Variants in LRRC3B observed in about 807,000 individuals in gnomAD.
The protein encoded by LRRC3B is leucine rich repeat containing 3B, also known as leucine-rich repeat-containing protein 3B.
LRRC3B carries 2 observed loss-of-function variants against 12.8 expected under a neutral mutation model. The observed-to-expected ratio is 0.16, with a 90% CI of 0.06 to 0.49. The LOEUF is 0.49. Ranked by LOEUF, LRRC3B falls within the 20% of genes least tolerant of loss-of-function variation. LRRC3B has a pLI of 0.96. For synonymous variants in LRRC3B, 132 were observed against 122.0 expected (o/e 1.08, Z -0.54); for missense variants, 189 against 319.4 (o/e 0.59, Z 3.11).
intron 1 of LRRC3B, among the ~76,000 whole-genome samples, chr3:26,645,702 G>A (rs1699129315): frequency 6.6e-6 from 1 of 152,034 alleles, no homozygotes; most frequent in African/African-American, 2.4e-5. Flanking sequence ...GAGTGTGAGG[G>A]ATAGAAAATA....
Position 26,636,926 on chromosome 3 carries a change from C to CTTTCTTTCTTTCTTT in LRRC3B, c.-161+13690_-161+13704dup, listed in dbSNP as rs1201192454. ...TCTTTCTCTCTTTCTCTCTTTCTTT[C>CTTTCTTTCTTTCTTT]TTTCTTTCTTTCTTTCTTTCTTTCT... On this transcript the variant is annotated intron_variant, in intron 1 of 1. Transcript: ENST00000396641. Among the ~76,000 whole-genome samples the CTTTCTTTCTTTCTTT allele has an allele frequency of 5.3e-4, 43 of 81,696 alleles. 2 individuals are homozygous for CTTTCTTTCTTTCTTT. Among genetic ancestry groups the CTTTCTTTCTTTCTTT allele is most frequent in the African/African-American group, 3.0e-3 (40 of 13,454 alleles). 53.6% of individuals were successfully genotyped at this position (81,696 alleles called of 152,430 possible).
intron 1 of LRRC3B, among the ~76,000 whole-genome samples, chr3:26,681,147 C>T (rs931637843): frequency 6.6e-6 from 1 of 152,062 alleles, no homozygotes; most frequent in African/African-American, 2.4e-5. Flanking sequence ...ATTGACATTG[C>T]TTGTACTTTT....
rs1289121760 is a variant in LRRC3B, at chr3:26,685,605, A to ATG, written c.-160-23898_-160-23897dup. 1.7e-3 allele frequency among the ~76,000 whole-genome samples: 206 copies of ATG among 123,622 alleles called. 1 individual carries two copies. The highest frequency in any genetic ancestry group is 6.9e-3 in the African/African-American group (181 of 26,268). 81.1% of individuals were successfully genotyped at this position (123,622 alleles called of 152,430 possible). ...ATACAAGCTTCACTCATATATATATATGTGTGTGTGTATATATATATATAT... is the reference window on the plus strand; with the variant it reads ...ATACAAGCTTCACTCATATATATATATGTGTGTGTGTGTATATATATATATAT... On this transcript the variant is annotated intron_variant, in intron 1 of 1. Coordinates refer to ENST00000396641, the Ensembl canonical transcript of LRRC3B.
At chr3:26,630,188 C>T (rs564075858) in intron 1 of LRRC3B, among the ~76,000 whole-genome samples, 193 of 152,174 alleles carry the variant, frequency 1.3e-3, no homozygotes, top group Non-Finnish European at 2.1e-3. Context: ...TACCTCATAG[C>T]ATAGATCAGT....
chr3:26,695,623 TAC>T lies in LRRC3B; in HGVS notation c.-160-13889_-160-13888del, dbSNP rs1700297071. On this transcript the variant is annotated intron_variant, in intron 1 of 1. Transcript: ENST00000396641. The stretch of plus-strand genomic sequence containing the variant: ...GTTTATATACATGTGTTTGCACAGT[TAC>T]GTTTTTAATAGAAAACACATAAAGG... Among the ~76,000 whole-genome samples, 3 of 152,238 alleles carry T rather than the reference TAC, an allele frequency of 2.0e-5. No individual in the cohort carries two copies. In the South Asian group the frequency reaches 6.2e-4, roughly 32 times the overall value.
intron 1 of LRRC3B, among the ~76,000 whole-genome samples, chr3:26,658,249 G>A (rs1301891310): frequency 1.3e-5 from 2 of 151,922 alleles, no homozygotes; most frequent in Admixed American, 6.6e-5. Flanking sequence ...TAGTAGAGAC[G>A]GGGTTTCACC....
rs542947464 is a variant in LRRC3B, at chr3:26,639,045, G to T, written c.-161+15808G>T. ...GAGTCAGCTTATAATCCCCTGGAATGAATACCTTATAGAGGAACACTCTTT... is the reference window on the plus strand; with the variant it reads ...GAGTCAGCTTATAATCCCCTGGAATTAATACCTTATAGAGGAACACTCTTT... On this transcript the variant is annotated intron_variant, in intron 1 of 1. Coordinates refer to ENST00000396641, the Ensembl canonical transcript of LRRC3B. Among the ~76,000 whole-genome samples, 6 of 152,260 alleles carry T rather than the reference G, an allele frequency of 3.9e-5. 1 individual carries two copies. Among genetic ancestry groups the T allele is most frequent in the Admixed American group, 3.9e-4 (6 of 15,290 alleles).
rs1553603721 is a variant in LRRC3B, at chr3:26,671,352, A to ATATG, written c.-160-38158_-160-38157insGTAT. ...TAAATGTGTGTGTATATATGTGTGT[A>ATATG]TATATATATATATATATATATAGAG... On this transcript the variant is annotated intron_variant, in intron 1 of 1. Coordinates refer to ENST00000396641, the Ensembl canonical transcript of LRRC3B. Among the ~76,000 whole-genome samples the ATATG allele has an allele frequency of 5.0e-3, 215 of 42,886 alleles. 13 individuals are homozygous for ATATG. The highest frequency in any genetic ancestry group is 0.023 in the African/African-American group (198 of 8,630). 28.1% of individuals were successfully genotyped at this position (42,886 alleles called of 152,430 possible). A position where few individuals can be genotyped will look rare whatever the true frequency, so the allele number is the denominator to read the frequency against.
chr3:26,684,411 C>T (rs1700031059), intron 1 of LRRC3B, among the ~76,000 whole-genome samples: 1 of 152,228 alleles, frequency 6.6e-6, no homozygotes, highest in African/African-American at 2.4e-5. Flanking sequence ...TCTTTTCTAT[C>T]TCCTTTCTGA....
intron 1 of LRRC3B, among the ~76,000 whole-genome samples, chr3:26,687,408 A>G (rs879698162): frequency 6.6e-6 from 1 of 152,210 alleles, no homozygotes; most frequent in African/African-American, 2.4e-5. Flanking sequence ...TGTTCTAAGC[A>G]TTCCTTTCTC....
intron 1 of LRRC3B, among the ~76,000 whole-genome samples, chr3:26,669,100 A>AAAG: frequency 6.6e-6 from 1 of 152,240 alleles, no homozygotes; most frequent in South Asian, 2.1e-4. Flanking sequence ...AATTCATCCA[A>AAAG]AAGTCCTACT....
chr3:26,666,375 A>C (rs1022264661), intron 1 of LRRC3B, among the ~76,000 whole-genome samples: 1 of 152,082 alleles, frequency 6.6e-6, no homozygotes, highest in African/African-American at 2.4e-5. Context: ...GAAGAAGTAC[A>C]TGTGAAAGAA....
At chr3:26,680,091 G>C (rs185626386) in intron 1 of LRRC3B, among the ~76,000 whole-genome samples, 1 of 152,148 alleles carries the variant, frequency 6.6e-6, no homozygotes, top group Admixed American at 6.5e-5. Context: ...TGACACAGTA[G>C]GTCTGAGACA....
intron 1 of LRRC3B, among the ~76,000 whole-genome samples, chr3:26,654,667 A>G (rs1699334417): frequency 6.6e-6 from 1 of 152,206 alleles, no homozygotes; most frequent in South Asian, 2.1e-4. Context: ...TTTTGACTAT[A>G]GCCTGGAGGC....
rs1400513014 is a variant in LRRC3B at position 26,692,612 on chromosome 3, T to C, written c.-160-16901T>C. ...AAATTTTAAAATGAGGTTTCTATTA[T>C]ACTTTTATTAAAAAGCATACTGTTC... On this transcript the variant is annotated intron_variant, in intron 1 of 1. Transcript: ENST00000396641. Among the ~76,000 whole-genome samples, 5 of 152,346 alleles carry C rather than the reference T, an allele frequency of 3.3e-5. No individual in the cohort carries two copies. In the South Asian group the frequency reaches 8.3e-4, roughly 25 times the overall value.
chr3:26,698,715 A>T (rs929551068), intron 1 of LRRC3B, among the ~76,000 whole-genome samples: 1 of 152,120 alleles, frequency 6.6e-6, no homozygotes, highest in Admixed American at 6.5e-5. Flanking sequence ...CTCACAATAT[A>T]TAGGCAGATA....
At chr3:26,671,101 C>T (rs750749474) in intron 1 of LRRC3B, among the ~76,000 whole-genome samples, 58 of 135,566 alleles carry the variant, frequency 4.3e-4, no homozygotes, top group Non-Finnish European at 6.5e-4. Flanking sequence ...CTGCAAGCTC[C>T]GCCTCCCGGG....
chr3:26,702,030 A>G (rs1700468518), intron 1 of LRRC3B, among the ~76,000 whole-genome samples: 1 of 152,180 alleles, frequency 6.6e-6, no homozygotes, highest in Non-Finnish European at 1.5e-5. Context: ...TTATAATGAA[A>G]TGAGAATGGA....
intron 1 of LRRC3B, among the ~76,000 whole-genome samples, chr3:26,704,537 C>G (rs900949019): frequency 7.2e-5 from 11 of 152,046 alleles, no homozygotes; most frequent in African/African-American, 2.6e-4. Flanking sequence ...ATTTTCCCAT[C>G]CATTTTTCTT....
Sources: allele counts gnomAD v4.1 joint callset (sites outside exome capture counted in the v4.1 genomes callset), GRCh38; gene constraint gnomAD v4.1.1; transcripts MANE v1.5; gene names NCBI Gene and HGNC (gene_info 2026-07-23, HGNC 2026-07-21).